Variants in TRHDE observed in about 807,000 individuals in gnomAD.
TRHDE encodes thyrotropin releasing hormone degrading enzyme.
A neutral mutation model predicts 125.7 loss-of-function variants in TRHDE; 72 were observed. The ratio of observed to expected loss-of-function variants is 0.57; its 90% CI spans 0.47 to 0.70. The LOEUF is 0.70. Among genes scored for constraint, TRHDE ranks in the 30% least tolerant of loss-of-function variants. TRHDE has a pLI of 0.00. For synonymous variants in TRHDE, 509 were observed against 509.1 expected (o/e 1.00, Z 0.00); for missense variants, 1,110 against 1,327.1 (o/e 0.84, Z 2.54).
At chr12:72,198,912 C>G (rs552073676) in intron 2 of TRHDE, among the ~76,000 whole-genome samples, 5 of 151,476 alleles carry the variant, frequency 3.3e-5, no homozygotes, top group Admixed American at 6.6e-5. Flanking sequence ...GGAGCAGGCA[C>G]GTCTTACCAT....
At chr12:72,132,463 A>T (rs1875886736) in intron 2 of TRHDE, among the ~76,000 whole-genome samples, 1 of 152,238 alleles carries the variant, frequency 6.6e-6, no homozygotes, top group African/African-American at 2.4e-5. Context: ...ATTAAAAATT[A>T]AAAGAGTACA....
chr12:72,585,174 A>G (rs563103300), intron 12 of TRHDE, among the ~76,000 whole-genome samples: 1 of 152,264 alleles, frequency 6.6e-6, no homozygotes, highest in East Asian at 1.9e-4. Context: ...GTTTCTTCAT[A>G]TCATTTTTAA....
chr12:72,402,782 T>C (rs1321128839), intron 3 of TRHDE, among the ~76,000 whole-genome samples: 5 of 152,160 alleles, frequency 3.3e-5, no homozygotes, highest in Admixed American at 6.5e-5. Flanking sequence ...TTTTTTTTTC[T>C]GTAGGGCACA....
intron 6 of TRHDE, among the ~76,000 whole-genome samples, chr12:72,515,740 G>C (rs1393491810): frequency 2.6e-5 from 4 of 152,074 alleles, no homozygotes; most frequent in South Asian, 2.1e-4. Context: ...AAATGGTAAT[G>C]CCTAGGTTTT....
At chr12:72,213,366 G>A (rs1224542694) in intron 2 of TRHDE, among the ~76,000 whole-genome samples, 1 of 152,072 alleles carries the variant, frequency 6.6e-6, no homozygotes, top group African/African-American at 2.4e-5. Flanking sequence ...TATCAATAAA[G>A]CTGTTAAAAG....
chr12:72,402,268 T>TAA (rs35528307), intron 3 of TRHDE, among the ~76,000 whole-genome samples: 119 of 146,578 alleles, frequency 8.1e-4, no homozygotes, highest in African/African-American at 2.6e-3. Context: ...GCTGATGAGC[T>TAA]AAAAAAAAAA....
At chr12:72,623,612 A>G (rs1873139227) in intron 15 of TRHDE, among the ~76,000 whole-genome samples, 1 of 152,106 alleles carries the variant, frequency 6.6e-6, no homozygotes, top group African/African-American at 2.4e-5. Flanking sequence ...TTTATTTTCA[A>G]GTAAGAACTA....
chr12:72,399,942 G>A (rs1872968711), intron 3 of TRHDE, among the ~76,000 whole-genome samples: 1 of 152,102 alleles, frequency 6.6e-6, no homozygotes, highest in Non-Finnish European at 1.5e-5. Flanking sequence ...GGAGTGCCAT[G>A]ATTTCAGTTT....
chr12:72,319,368 T>C (rs7972076), intron 2 of TRHDE, among the ~76,000 whole-genome samples: 92,993 of 151,640 alleles, frequency 0.61, 29,353 homozygotes, highest in Non-Finnish European at 0.7. Flanking sequence ...CTAGGTCTGC[T>C]TCAGTAGACC....
chr12:72,238,304 A>ATG (rs1878386785), intron 2 of TRHDE, among the ~76,000 whole-genome samples: 1 of 36,180 alleles, frequency 2.8e-5, no homozygotes, highest in Non-Finnish European at 5.7e-5. Flanking sequence ...ATATATATAT[A>ATG]TATATATATA....
intron 2 of TRHDE, among the ~76,000 whole-genome samples, chr12:72,341,429 A>T (rs1268352110): frequency 1.3e-5 from 2 of 151,928 alleles, no homozygotes; most frequent in Admixed American, 6.6e-5. Flanking sequence ...AGTTTTGTGA[A>T]TCACCCCATA....
chr12:72,535,943 T>G (rs1168123427), intron 6 of TRHDE, among the ~76,000 whole-genome samples: 1 of 152,168 alleles, frequency 6.6e-6, no homozygotes, highest in Non-Finnish European at 1.5e-5. Flanking sequence ...ATAATTCTTT[T>G]GCTAATCAAA....
At chr12:72,607,868 T>C (rs1005103435) in intron 12 of TRHDE, among the ~76,000 whole-genome samples, 15 of 152,160 alleles carry the variant, frequency 9.9e-5, no homozygotes, top group African/African-American at 3.6e-4. Flanking sequence ...AAAGCCATCA[T>C]TCCCTTTAGC....
At chr12:72,323,807 C>A (rs184711767) in intron 2 of TRHDE, among the ~76,000 whole-genome samples, 9 of 148,456 alleles carry the variant, frequency 6.1e-5, no homozygotes, top group African/African-American at 2.2e-4. Context: ...GGGGTTCTTG[C>A]AAGATGAAAT....
At chr12:72,089,692 C>T (rs1411405217) in intron 1 of TRHDE, among the ~76,000 whole-genome samples, 2 of 152,144 alleles carry the variant, frequency 1.3e-5, no homozygotes, top group African/African-American at 4.8e-5. Context: ...ACCTTCCCAC[C>T]CATTGCACTC....
chr12:72,449,450 G>A (rs980831851), intron 3 of TRHDE, among the ~76,000 whole-genome samples: 1 of 151,820 alleles, frequency 6.6e-6, no homozygotes, highest in Non-Finnish European at 1.5e-5. Flanking sequence ...TTCTGGCATT[G>A]TGTACACACT....
At chr12:72,529,062 A>G (rs1208355600) in intron 6 of TRHDE, among the ~76,000 whole-genome samples, 1 of 152,094 alleles carries the variant, frequency 6.6e-6, no homozygotes, top group African/African-American at 2.4e-5. Flanking sequence ...CCTCTGTCAG[A>G]TAATTTTATT....
chr12:72,465,545 A>T lies in TRHDE; in HGVS notation c.1316-4213A>T, dbSNP rs12578447. 4.9e-4 allele frequency among the ~76,000 whole-genome samples: 74 copies of T among 152,192 alleles called. No individual in the cohort carries two copies. The East Asian group carries it at 0.014, about 28-fold the overall frequency. Reference sequence around the variant, plus strand: ...CAACCATGTTGTGGACTGTAACCATAGTTCATTTCTTTTTATTGCTGAGTA... The same window carrying T: ...CAACCATGTTGTGGACTGTAACCATTGTTCATTTCTTTTTATTGCTGAGTA... On this transcript the variant is annotated intron_variant, in intron 3 of 18. Transcript: ENST00000261180.
At chr12:72,153,625 C>T (rs1487852868) in intron 2 of TRHDE, among the ~76,000 whole-genome samples, 3 of 152,088 alleles carry the variant, frequency 2.0e-5, no homozygotes, top group Non-Finnish European at 4.4e-5. Context: ...CAAAGAACAT[C>T]TTTATTTCTG....
Sources: gnomAD v4.1 joint callset for allele counts (sites outside exome capture counted in the v4.1 genomes callset) on GRCh38, gnomAD v4.1.1 for gene constraint, MANE v1.5 for transcripts, NCBI Gene and HGNC (gene_info 2026-07-23, HGNC 2026-07-21) for gene names.